Variants in VAV2 observed in about 807,000 individuals in gnomAD.
VAV2 encodes the protein vav guanine nucleotide exchange factor 2.
VAV2 carries 67 observed loss-of-function variants against 132.5 expected under a neutral mutation model. That is an observed-to-expected ratio of 0.51 (90% CI 0.42 to 0.62). The LOEUF (loss-of-function observed/expected upper bound fraction) is 0.62. Among genes scored for constraint, VAV2 ranks in the 20% least tolerant of loss-of-function variants. The pLI, the probability that VAV2 is intolerant of heterozygous loss-of-function variation, is 0.00. For missense variants in VAV2, 938 were observed against 1,153.6 expected (o/e 0.81, Z 2.71); for synonymous variants, 492 against 443.5 (o/e 1.11, Z -1.37).
At chr9:133,798,617 T>C (rs1834813135) in intron 9 of VAV2, among the ~76,000 whole-genome samples, 1 of 152,118 alleles carries the variant, frequency 6.6e-6, no homozygotes, top group Non-Finnish European at 1.5e-5. Context: ...AACTTCATCT[T>C]TAAAACCCCA....
At chr9:133,779,403 A>G (rs932781388) in intron 21 of VAV2, among the ~76,000 whole-genome samples, 5 of 152,068 alleles carry the variant, frequency 3.3e-5, no homozygotes, top group Non-Finnish European at 7.4e-5. Context: ...CTCCCAGCCC[A>G]GCTCCCGCCT....
At chr9:133,903,298 T>A (rs1305062673) in intron 2 of VAV2, among the ~76,000 whole-genome samples, 1 of 152,022 alleles carries the variant, frequency 6.6e-6, no homozygotes, top group African/African-American at 2.4e-5. Flanking sequence ...ACAGGGCTCC[T>A]TCCCTCCCCG....
chr9:133,769,564 G>T lies in VAV2; in HGVS notation c.2348-61C>A. ...CAGGGCATCCACGCACAGTCACGGTGGGCACAGCTACAGGCCGGGGGGCAT... is the reference window on the plus strand; with the variant it reads ...CAGGGCATCCACGCACAGTCACGGTTGGCACAGCTACAGGCCGGGGGGCAT... On this transcript the variant is annotated intron_variant, in intron 27 of 29. Coordinates refer to ENST00000371850, the MANE Select transcript of VAV2 (RefSeq NM_001134398.2). The surrounding 1 kb of genome is among the most constrained non-coding windows in gnomAD (Gnocchi z 8.1). 1 of 1,531,028 alleles carries T rather than the reference G, an allele frequency of 6.5e-7. No homozygotes were observed. The highest frequency in any genetic ancestry group is 2.4e-5 in the East Asian group (1 of 42,204). The allele number at this position is 1,531,028 out of a possible 1,614,324, so 94.8% of individuals were successfully genotyped here. A position where few individuals can be genotyped will look rare whatever the true frequency, so the allele number is the denominator to read the frequency against.
In VAV2 at chr9:133,817,851, G is replaced by A. The variant is rs12338774; in HGVS notation, c.450-5635C>T. On this transcript the variant is annotated intron_variant, in intron 4 of 29. Coordinates refer to ENST00000371850, the MANE Select transcript of VAV2 (RefSeq NM_001134398.2). ...TTGTCGTACGTTTTCCTCTAAGTCCGTGACCGTATTTATAATAGCTGCTGT... is the reference window on the plus strand; with the variant it reads ...TTGTCGTACGTTTTCCTCTAAGTCCATGACCGTATTTATAATAGCTGCTGT... Among the ~76,000 whole-genome samples the A allele has an allele frequency of 3.9e-5, 6 of 152,070 alleles. No homozygotes were observed. The East Asian group carries it at 9.7e-4, about 24-fold the overall frequency.
chr9:133,925,865 T>G (rs1840458884), intron 2 of VAV2: 1 of 152,038 alleles, frequency 6.6e-6, no homozygotes, highest in Non-Finnish European at 1.5e-5. Context: ...TTTTTTCTTT[T>G]CTCCTTCTTG....
intron 1 of VAV2, among the ~76,000 whole-genome samples, chr9:133,962,150 G>T (rs919069207): frequency 1.3e-5 from 2 of 152,262 alleles, no homozygotes; most frequent in African/African-American, 4.8e-5. Flanking sequence ...TCCTCTATGG[G>T]ACCCTCCTGG....
intron 2 of VAV2, among the ~76,000 whole-genome samples, chr9:133,874,896 G>A (rs954118689): frequency 1.3e-5 from 2 of 152,168 alleles, no homozygotes; most frequent in African/African-American, 4.8e-5. Flanking sequence ...CGCTGTGCAT[G>A]GTCCGAGCTG....
In VAV2 at chr9:133,961,105, G is replaced by C. The variant is rs566411626; in HGVS notation, c.205-21886C>G. Among the ~76,000 whole-genome samples, 1 of 152,254 alleles carries C rather than the reference G, an allele frequency of 6.6e-6. No homozygotes were observed. The highest frequency in any genetic ancestry group is 6.5e-5 in the Admixed American group (1 of 15,284). On this transcript the variant is annotated intron_variant, in intron 1 of 29. Coordinates refer to ENST00000371850, the MANE Select transcript of VAV2 (RefSeq NM_001134398.2). This position sits in a 1 kb window ranked among gnomAD's most constrained non-coding sequence, Gnocchi z 4.1. ...TCACGGGCGGCCCCAAGCTCTCCAG[G>C]TGGGAGCTGCTGAGCGCTTTTAGTT...
chr9:133,925,153 T>C (rs1240255171), intron 2 of VAV2, among the ~76,000 whole-genome samples: 1 of 152,244 alleles, frequency 6.6e-6, no homozygotes, highest in Non-Finnish European at 1.5e-5. Context: ...ACTGGGAATC[T>C]GTTCGATGCT....
chr9:133,943,433 TCAGCTGTCACCTGTGGCTG>T (rs1357164235), intron 1 of VAV2, among the ~76,000 whole-genome samples: 1 of 152,246 alleles, frequency 6.6e-6, no homozygotes, highest in Non-Finnish European at 1.5e-5. Context: ...AAGGCTGGCT[TCAGCTGTCACCTGTGGCTG>T]CAGGAGCAAG....
At chr9:133,812,248 G>C (rs1835387484) in intron 4 of VAV2, 32 bp from the exon 5 acceptor site, 1 of 1,597,010 alleles carries the variant, frequency 6.3e-7, no homozygotes, top group South Asian at 1.1e-5. Context: ...AGAGGGGAGG[G>C]GAGGCTCCCG....
chr9:133,976,387 G>A (rs928883612), intron 1 of VAV2, among the ~76,000 whole-genome samples: 1 of 150,712 alleles, frequency 6.6e-6, no homozygotes, highest in South Asian at 2.1e-4. Flanking sequence ...AGTCCCCCCA[G>A]CCCCGCCCAG....
rs151243500 is a variant in VAV2, at chr9:133,811,577, C to T, written c.552+537G>A. ...ATAGCAGCTGCTGGCAATAAACCCA[C>T]GCGGAGCAAACTGGCGTCCGAGAGA... On this transcript the variant is annotated intron_variant, in intron 5 of 29. Transcript: ENST00000371850. 1.2e-3 allele frequency among the ~76,000 whole-genome samples: 183 copies of T among 152,358 alleles called. 3 individuals carry two copies. Among genetic ancestry groups the T allele is most frequent in the East Asian group, 4.6e-3 (24 of 5,182 alleles).
chr9:133,903,547 G>A (rs182651066), intron 2 of VAV2, among the ~76,000 whole-genome samples: 35 of 152,314 alleles, frequency 2.3e-4, no homozygotes, highest in Admixed American at 1.4e-3. Context: ...ATATGGGGGT[G>A]GGGGCTGCAC....
chr9:133,896,505 A>G (rs1041349804), intron 2 of VAV2, among the ~76,000 whole-genome samples: 1 of 152,190 alleles, frequency 6.6e-6, no homozygotes, highest in East Asian at 1.9e-4. Flanking sequence ...TAAACGTTAG[A>G]GCAGGTCGAA....
intron 2 of VAV2, among the ~76,000 whole-genome samples, chr9:133,877,091 T>C (rs559978404): frequency 1.7e-4 from 26 of 152,168 alleles, no homozygotes; most frequent in African/African-American, 6.0e-4. Context: ...AGGCACGTGG[T>C]TATCTGAGCC....
chr9:133,898,063 G>C (rs1204568441), intron 2 of VAV2, among the ~76,000 whole-genome samples: 1 of 150,164 alleles, frequency 6.7e-6, no homozygotes, highest in Non-Finnish European at 1.5e-5. Context: ...GGAAGGCCAC[G>C]ATCACTTCCC....
intron 2 of VAV2, among the ~76,000 whole-genome samples, chr9:133,887,639 C>A (rs1838764935): frequency 1.3e-5 from 2 of 152,138 alleles, no homozygotes; most frequent in African/African-American, 4.8e-5. Flanking sequence ...CACTTACCCC[C>A]AGCAGAGACC....
At chr9:133,930,062 G>A (rs181795367) in intron 2 of VAV2, among the ~76,000 whole-genome samples, 3 of 152,352 alleles carry the variant, frequency 2.0e-5, no homozygotes, top group African/African-American at 4.8e-5. Flanking sequence ...CTCAGCTGAA[G>A]GGAACCATCC....
Sources: allele counts gnomAD v4.1 joint callset (sites outside exome capture counted in the v4.1 genomes callset), GRCh38; gene constraint gnomAD v4.1.1; non-coding constraint Gnocchi (gnomAD v3.1); transcripts MANE v1.5; gene names NCBI Gene and HGNC (gene_info 2026-07-23, HGNC 2026-07-21).